AMZ2: variants seen among roughly 807,000 people sequenced by gnomAD.
AMZ2 encodes the protein archaemetzincin-2.
Under a neutral mutation model 36.7 loss-of-function variants are expected in AMZ2, and 26 were observed. The observed-to-expected ratio is 0.71, with a 90% CI of 0.52 to 0.98. AMZ2 has a LOEUF of 0.98. AMZ2 is among the 50% of genes least tolerant of loss of function. AMZ2 has a pLI of 0.00. For synonymous variants in AMZ2, 144 were observed against 149.1 expected (o/e 0.97, Z 0.25); for missense variants, 394 against 430.5 (o/e 0.92, Z 0.75).
At chr17:68,227,150 A>G (rs1210680330) in intron 1 of AMZ2, among the ~76,000 whole-genome samples, 1 of 152,080 alleles carries the variant, frequency 6.6e-6, no homozygotes, top group Non-Finnish European at 1.5e-5. Context: ...GAATGGTGAA[A>G]TGTTCCCACT....
intron 1 of AMZ2, among the ~76,000 whole-genome samples, chr17:68,231,897 T>A: frequency 6.6e-6 from 1 of 152,120 alleles, no homozygotes. Flanking sequence ...GTATATCCCA[T>A]GAAATTTATG....
chr17:68,249,896 C>A (rs1201032714), intron 1 of AMZ2: 2 of 369,210 alleles, frequency 5.4e-6, no homozygotes, highest in Non-Finnish European at 1.0e-5. Context: ...ATCCTCCTAT[C>A]CCAAAGTGCT....
At chr17:68,230,563 A>G (rs1193239794) in intron 1 of AMZ2, among the ~76,000 whole-genome samples, 1 of 152,254 alleles carries the variant, frequency 6.6e-6, no homozygotes, top group Non-Finnish European at 1.5e-5. Context: ...ACAGATGACT[A>G]CACATGTCCT....
chr17:68,232,485 G>T, intron 1 of AMZ2, among the ~76,000 whole-genome samples: 1 of 126,836 alleles, frequency 7.9e-6, no homozygotes, highest in South Asian at 2.6e-4. Flanking sequence ...GACAGAACAA[G>T]ACCCTATCTC....
chr17:68,250,887 T>A lies in AMZ2; in HGVS notation c.377T>A (p.Leu126His), dbSNP rs1599415108. The change falls in exon 3 of 7, where the codon CTC (leucine) becomes CAC (histidine). Residue 126 changes from leucine to histidine, a missense_variant. Physicochemically the swap from Leu to His is moderately conservative, Grantham distance 99. Transcript: ENST00000359904. ...KAYFYGLRVK[L>H]LEPVPVSVTR... is the part of the protein sequence containing the mutation. Reference sequence around the variant, plus strand: ...TATTTCTATGGCTTGAGAGTAAAACTCCTAGAACCAGTTCCTGTTTCTGTA... The same window carrying A: ...TATTTCTATGGCTTGAGAGTAAAACACCTAGAACCAGTTCCTGTTTCTGTA... The A allele has an allele frequency of 8.1e-6, 13 of 1,610,686 alleles. No homozygotes were observed. The Middle Eastern group carries it at 1.8e-3, about 225-fold the overall frequency.
chr17:68,237,939 A>G (rs568676644), intron 1 of AMZ2, among the ~76,000 whole-genome samples: 3 of 152,326 alleles, frequency 2.0e-5, no homozygotes, highest in African/African-American at 7.2e-5. Flanking sequence ...GTCACAAGTG[A>G]AGTGGGTCGC....
intron 1 of AMZ2, among the ~76,000 whole-genome samples, chr17:68,242,645 TC>T (rs1277545257): frequency 6.6e-6 from 1 of 152,124 alleles, no homozygotes; most frequent in African/African-American, 2.4e-5. Flanking sequence ...ACCCCTGACC[TC>T]AGATGATCTG....
At chr17:68,209,628 A>ATTTT (rs1322446681) in intron 1 of AMZ2, among the ~76,000 whole-genome samples, 13 of 98,500 alleles carry the variant, frequency 1.3e-4, no homozygotes, top group Non-Finnish European at 2.0e-4. Flanking sequence ...ATATATATAT[A>ATTTT]TATATTTTTT....
chr17:68,228,447 T>C (rs1238048021), intron 1 of AMZ2, among the ~76,000 whole-genome samples: 22 of 152,312 alleles, frequency 1.4e-4, no homozygotes, highest in Admixed American at 1.4e-3. Context: ...CTACCCTGAC[T>C]GCCCATCGGC....
At chr17:68,228,086 G>A (rs137884472) in intron 1 of AMZ2, among the ~76,000 whole-genome samples, 23 of 152,142 alleles carry the variant, frequency 1.5e-4, no homozygotes, top group African/African-American at 5.3e-4. Context: ...TTGTGCCCTT[G>A]TCTCCTTCAA....
chr17:68,220,559 C>T (rs1167867978), intron 1 of AMZ2, among the ~76,000 whole-genome samples: 1 of 151,982 alleles, frequency 6.6e-6, no homozygotes, highest in South Asian at 2.1e-4. Context: ...TAAATGTCTA[C>T]TATGTCACCC....
At chr17:68,241,813 G>C (rs775268459) in intron 1 of AMZ2, among the ~76,000 whole-genome samples, 1 of 151,224 alleles carries the variant, frequency 6.6e-6, no homozygotes, top group Admixed American at 6.6e-5. Context: ...CAACCTCTGC[G>C]TCCCAGGTTC....
rs1568340228 is a variant in AMZ2 at position 68,211,798 on chromosome 17, G to GTGTATATGTATATA, written c.-67+5566_-67+5579dup. 8.0e-5 allele frequency among the ~76,000 whole-genome samples: 5 copies of GTGTATATGTATATA among 62,306 alleles called. 1 individual carries two copies. Among genetic ancestry groups the GTGTATATGTATATA allele is most frequent in the South Asian group, 1.1e-3 (2 of 1,844 alleles). 40.9% of individuals were successfully genotyped at this position (62,306 alleles called of 152,430 possible). A position where few individuals can be genotyped will look rare whatever the true frequency, so the allele number is the denominator to read the frequency against. On this transcript the variant is annotated intron_variant, in intron 1 of 7. Transcript: ENST00000674770. Reference sequence around the variant, plus strand: ...TATGTATATATGTATATGTATATATGTGTATATGTATATATGTATGTGTAT... The same window carrying GTGTATATGTATATA: ...TATGTATATATGTATATGTATATATGTGTATATGTATATATGTATATGTATATATGTATGTGTAT...
intron 1 of AMZ2, among the ~76,000 whole-genome samples, chr17:68,207,973 C>T: frequency 6.6e-6 from 1 of 152,106 alleles, no homozygotes; most frequent in East Asian, 1.9e-4. Context: ...CCCCGCCGGC[C>T]ATGGGCAGTG....
chr17:68,241,727 C>CTAT (rs1233990323), intron 1 of AMZ2, among the ~76,000 whole-genome samples: 10 of 150,172 alleles, frequency 6.7e-5, no homozygotes, highest in Non-Finnish European at 8.9e-5. Flanking sequence ...ATTATTATTA[C>CTAT]TATTATTATT....
At chr17:68,242,441 CT>C (rs35025365) in intron 1 of AMZ2, among the ~76,000 whole-genome samples, 19,035 of 151,456 alleles carry the variant, frequency 0.13, 1,542 homozygotes, top group East Asian at 0.3. Context: ...TTTATCAGCA[CT>C]TTTTTTTTGA....
At chr17:68,253,816 C>T (rs1453369485) in intron 4 of AMZ2, among the ~76,000 whole-genome samples, 2 of 149,572 alleles carry the variant, frequency 1.3e-5, no homozygotes, top group Non-Finnish European at 2.9e-5. Context: ...TGCAATGGTG[C>T]GATCTTGGCT....
upstream of AMZ2, among the ~76,000 whole-genome samples, chr17:68,244,898 G>C (rs1221554341): frequency 1.3e-5 from 2 of 152,068 alleles, no homozygotes; most frequent in Non-Finnish European, 2.9e-5. Flanking sequence ...CGGGTTATAT[G>C]GTTCATATTT....
chr17:68,226,035 C>T lies in AMZ2; in HGVS notation c.-67+19797C>T, dbSNP rs112979093. ...GGCTTTTGGAGTATGAAAAGGGGGACGTGCTGTGGTCTCTGCCTGAAGCTG... is the reference window on the plus strand; with the variant it reads ...GGCTTTTGGAGTATGAAAAGGGGGATGTGCTGTGGTCTCTGCCTGAAGCTG... On this transcript the variant is annotated intron_variant, in intron 1 of 7. Coordinates refer to the AMZ2 transcript ENST00000674770. Among the ~76,000 whole-genome samples the T allele has an allele frequency of 7.9e-3, 1,199 of 152,208 alleles. 14 individuals carry two copies. The highest frequency in any genetic ancestry group is 0.028 in the African/African-American group (1,143 of 41,502).
Sources: gnomAD v4.1 joint callset for allele counts (sites outside exome capture counted in the v4.1 genomes callset) on GRCh38, gnomAD v4.1.1 for gene constraint, MANE v1.5 for transcripts, NCBI Gene and HGNC (gene_info 2026-07-23, HGNC 2026-07-21) for gene names.